The following PCDHGA8 variants were observed in gnomAD, a reference collection of about 807,000 sequenced individuals.
The protein encoded by PCDHGA8 is protocadherin gamma subfamily A, 8.
A neutral mutation model predicts 59.2 loss-of-function variants in PCDHGA8; 45 were observed. That is an observed-to-expected ratio of 0.76 (90% CI 0.60 to 0.98). The LOEUF is 0.98. Among genes scored for constraint, PCDHGA8 ranks in the 50% least tolerant of loss-of-function variants. The pLI is 0.00. For synonymous variants in PCDHGA8, 531 were observed against 519.0 expected, an observed-to-expected ratio of 1.02 and a Z score of -0.32; for missense variants, 1,257 against 1,196.2, an observed-to-expected ratio of 1.05 and a Z score of -0.75.
Position 141,505,229 on chromosome 5 carries a change from G to T in PCDHGA8, c.2484-164G>T, listed in dbSNP as rs116169437. 9.5e-4 allele frequency: 809 copies of T among 847,460 alleles called. 6 individuals carry two copies. In the African/African-American group the frequency reaches 0.013, roughly 13 times the overall value. 52.5% of individuals were successfully genotyped at this position (847,460 alleles called of 1,614,324 possible). ...TGAGGGACTGACTTGTGGGATTCTG[G>T]CTTCTGAAGGATTGTAGAAGTGCCT... On this transcript the variant is annotated intron_variant, in intron 2 of 3. Coordinates refer to ENST00000398604, the MANE Select transcript of PCDHGA8 (RefSeq NM_032088.2).
rs374200575 is a variant in PCDHGA8, at chr5:141,432,105, C to T, written c.2424+36868C>T. On this transcript the variant is annotated intron_variant, in intron 1 of 3. Transcript: ENST00000398604. The surrounding 1 kb of genome is among the most constrained non-coding windows in gnomAD (Gnocchi z 6.0). ...AACGTGGCAGACACCAACGACAACC[C>T]GCCGGTCTTCCCTCAGGCCTCCTAT... 1.9e-6 allele frequency: 3 copies of T among 1,614,172 alleles called. No homozygotes were observed. Among genetic ancestry groups the T allele is most frequent in the Admixed American group, 3.3e-5 (2 of 60,032 alleles).
At chr5:141,450,815 A>T (rs183350620) in intron 1 of PCDHGA8, among the ~76,000 whole-genome samples, 1,650 of 126,706 alleles carry the variant, frequency 0.013, 15 homozygotes, top group African/African-American at 0.032. Context: ...TATTTATTTA[A>T]TATTATTATT....
chr5:141,408,300 T>C lies in PCDHGA8; in HGVS notation c.2424+13063T>C. On this transcript the variant is annotated intron_variant, in intron 1 of 3. Coordinates refer to ENST00000398604, the MANE Select transcript of PCDHGA8 (RefSeq NM_032088.2). ...TTCTACCCCACCCTGAGTGAGCCGATCCGCTACTCGATTCCGGAGGAGCTG... is the reference window on the plus strand; with the variant it reads ...TTCTACCCCACCCTGAGTGAGCCGACCCGCTACTCGATTCCGGAGGAGCTG... The C allele has an allele frequency of 1.2e-6, 2 of 1,613,732 alleles. No homozygotes were observed. The highest frequency in any genetic ancestry group is 1.7e-6 in the Non-Finnish European group (2 of 1,179,694).
chr5:141,448,814 G>A (rs967588194), intron 1 of PCDHGA8, among the ~76,000 whole-genome samples: 14 of 152,122 alleles, frequency 9.2e-5, no homozygotes, highest in Non-Finnish European at 1.8e-4. Flanking sequence ...GCGTGATGGC[G>A]GGCGCCTGTA....
chr5:141,410,329 G>T, intron 1 of PCDHGA8: 1 of 1,613,982 alleles, frequency 6.2e-7, no homozygotes, highest in African/African-American at 1.3e-5. Context: ...CCGTGATTCT[G>T]GCCATTGCCT....
At position 141,485,791 on chromosome 5, in the gene PCDHGA8, G is replaced by A; in HGVS notation, c.2425-9016G>A. The A allele has an allele frequency of 6.2e-7, 1 of 1,614,196 alleles. No homozygotes were observed. The highest frequency in any genetic ancestry group is 8.5e-7 in the Non-Finnish European group (1 of 1,180,032). ...AGCCTTTGGATCGAGAGAAGCAATC[G>A]GACTACCGCCTGGTGCTGACTGCTG... On this transcript the variant is annotated intron_variant, in intron 1 of 3. Transcript: ENST00000398604. The surrounding 1 kb of genome is among the most constrained non-coding windows in gnomAD (Gnocchi z 5.7).
At chr5:141,401,861 G>T (rs934405271) in intron 1 of PCDHGA8, among the ~76,000 whole-genome samples, 1 of 152,122 alleles carries the variant, frequency 6.6e-6, no homozygotes, top group African/African-American at 2.4e-5. Flanking sequence ...TAACCTTTCA[G>T]TAGTTTTCTT....
Position 141,431,663 on chromosome 5 carries a change from T to G in PCDHGA8, c.2424+36426T>G, listed in dbSNP as rs2097405149. ...ACTAGATTGTAATTCAGGGACAATA[T>G]CAACAATAGGGGAGTTGGACCACGA... On this transcript the variant is annotated intron_variant, in intron 1 of 3. Coordinates refer to ENST00000398604, the MANE Select transcript of PCDHGA8 (RefSeq NM_032088.2). The surrounding 1 kb of genome is among the most constrained non-coding windows in gnomAD (Gnocchi z 4.8). The G allele has an allele frequency of 6.2e-7, 1 of 1,614,168 alleles. No individual in the cohort carries two copies.
At chr5:141,472,980 C>CAAAAAAAAAAAAAAAAGAAAA (rs2099308501) in intron 1 of PCDHGA8, among the ~76,000 whole-genome samples, 1 of 86,106 alleles carries the variant, frequency 1.2e-5, no homozygotes, top group Non-Finnish European at 2.5e-5. Context: ...GAGTGAAACT[C>CAAAAAAAAAAAAAAAAGAAAA]AAAAAAAAAA....
chr5:141,447,738 A>C (rs1365302023), intron 1 of PCDHGA8, among the ~76,000 whole-genome samples: 7 of 152,216 alleles, frequency 4.6e-5, no homozygotes, highest in Non-Finnish European at 8.8e-5. Context: ...ATTGAACTTA[A>C]GAGTCTTGCA....
intron 3 of PCDHGA8, among the ~76,000 whole-genome samples, chr5:141,509,583 A>G (rs1008344833): frequency 7.2e-5 from 11 of 152,320 alleles, no homozygotes; most frequent in African/African-American, 2.4e-4. Flanking sequence ...CGTACAAATC[A>G]GCTGGCAATT....
chr5:141,417,641 C>G (rs1266850894), intron 1 of PCDHGA8: 12 of 779,426 alleles, frequency 1.5e-5, no homozygotes, highest in Non-Finnish European at 2.1e-5. Context: ...CCGGGGATCC[C>G]TCAGCCTCTA....
chr5:141,412,346 T>C (rs1489657145), intron 1 of PCDHGA8: 1 of 152,238 alleles, frequency 6.6e-6, no homozygotes, highest in African/African-American at 2.4e-5. Flanking sequence ...TATGTTCATT[T>C]TAGTTTGTGA....
At chr5:141,460,733 C>T (rs988651750) in intron 1 of PCDHGA8, among the ~76,000 whole-genome samples, 2 of 150,844 alleles carry the variant, frequency 1.3e-5, no homozygotes, top group Non-Finnish European at 3.0e-5. Context: ...CATATATACA[C>T]ATTGTATATA....
At chr5:141,447,623 C>G (rs940221130) in intron 1 of PCDHGA8, among the ~76,000 whole-genome samples, 1 of 152,042 alleles carries the variant, frequency 6.6e-6, no homozygotes, top group African/African-American at 2.4e-5. Flanking sequence ...AAAGTTGAAA[C>G]CAACAGTATG....
chr5:141,456,735 C>T (rs568353480), intron 1 of PCDHGA8, among the ~76,000 whole-genome samples: 8 of 152,216 alleles, frequency 5.3e-5, no homozygotes, highest in East Asian at 3.9e-4. Context: ...GAGGCTGAGG[C>T]GGGAGCATCA....
intron 1 of PCDHGA8, chr5:141,423,648 G>A (rs1291261924): frequency 2.5e-6 from 4 of 1,590,008 alleles, no homozygotes; most frequent in Middle Eastern, 1.7e-4. Flanking sequence ...AATGTGACCC[G>A]ACAAGTAATC....
At chr5:141,441,871 G>A (rs1020432020) in intron 1 of PCDHGA8, 3 of 340,480 alleles carry the variant, frequency 8.8e-6, no homozygotes, top group Admixed American at 8.1e-5. Context: ...CGCGGAGCCT[G>A]GCTACCTGGT....
chr5:141,395,022 G>A lies in PCDHGA8; in HGVS notation c.2209G>A (p.Ala737Thr), dbSNP rs2093150969. ...CGGTGGCAGATTGGTAGGCGTGCCT[G>A]CCTCACATTTTGTGGGTGTTGAGGA... ...DSGGRLVGVP[A>T]SHFVGVEEVQ... The change falls in exon 1 of 4, where the codon GCC becomes ACC. Residue 737 changes from alanine (A) to threonine (T), a missense_variant. Transcript: ENST00000398604. 1 of 1,614,128 alleles carries A rather than the reference G, an allele frequency of 6.2e-7. No homozygotes were observed. The highest frequency in any genetic ancestry group is 1.3e-5 in the African/African-American group (1 of 75,036).
Sources: gnomAD v4.1 joint callset for allele counts (sites outside exome capture counted in the v4.1 genomes callset) on GRCh38, gnomAD v4.1.1 for gene constraint, Gnocchi (gnomAD v3.1) non-coding constraint, MANE v1.5 for transcripts, NCBI Gene and HGNC (gene_info 2026-07-23, HGNC 2026-07-21) for gene names.